PEBP4: variants seen among roughly 807,000 people sequenced by gnomAD.
The protein encoded by PEBP4 is phosphatidylethanolamine binding protein 4.
PEBP4 carries 22 observed loss-of-function variants against 23.9 expected under a neutral mutation model. The ratio of observed to expected loss-of-function variants is 0.92; its 90% CI spans 0.66 to 1.31. PEBP4 has a LOEUF of 1.31. PEBP4 is among the 40% of genes most tolerant of loss of function. The pLI is 0.00. For missense variants in PEBP4, 324 were observed against 281.7 expected, an observed-to-expected ratio of 1.15 and a Z score of -1.07; for synonymous variants, 112 against 99.3, an observed-to-expected ratio of 1.13 and a Z score of -0.76.
At chr8:22,908,872 G>A (rs944670944) in intron 3 of PEBP4, among the ~76,000 whole-genome samples, 3 of 152,190 alleles carry the variant, frequency 2.0e-5, no homozygotes, top group African/African-American at 7.2e-5. Context: ...ATCCCACCCA[G>A]GTAACTAGGG....
At chr8:22,906,481 C>A (rs76259155) in intron 3 of PEBP4, among the ~76,000 whole-genome samples, 6,476 of 152,290 alleles carry the variant, frequency 0.043, 159 homozygotes, top group Middle Eastern at 0.061. Flanking sequence ...AAATCTCCCT[C>A]TCCTCTTTCT....
intron 3 of PEBP4, among the ~76,000 whole-genome samples, chr8:22,821,984 CAA>C (rs113380878): frequency 3.8e-5 from 5 of 130,980 alleles, no homozygotes; most frequent in Admixed American, 7.8e-5. Context: ...GACCTCGTCT[CAA>C]AAAAAAAAAA....
intron 6 of PEBP4, among the ~76,000 whole-genome samples, chr8:22,722,892 C>A (rs1804546937): frequency 6.6e-6 from 1 of 151,850 alleles, no homozygotes; most frequent in Non-Finnish European, 1.5e-5. Context: ...CCTGCCTCAG[C>A]CTCCGGAGTA....
At chr8:22,890,230 A>G (rs935463187) in intron 3 of PEBP4, among the ~76,000 whole-genome samples, 1 of 152,244 alleles carries the variant, frequency 6.6e-6, no homozygotes, top group Non-Finnish European at 1.5e-5. Flanking sequence ...GAGAAACTGC[A>G]GTAATGAACA....
At position 22,810,095 on chromosome 8, in the gene PEBP4, G is replaced by A. The variant is rs532675135; in HGVS notation, c.357+7542C>T. 7.4e-4 allele frequency among the ~76,000 whole-genome samples: 113 copies of A among 152,298 alleles called. No homozygotes were observed. The Middle Eastern group carries it at 0.014, about 18-fold the overall frequency. On this transcript the variant is annotated intron_variant, in intron 4 of 6. Transcript: ENST00000256404. ...AACTTCCCCCACTGGTCCTGATTCCGCCTGGTGGAGTCCAGCAAGATCTCT... is the reference window on the plus strand; with the variant it reads ...AACTTCCCCCACTGGTCCTGATTCCACCTGGTGGAGTCCAGCAAGATCTCT...
At chr8:22,846,620 G>A (rs901822429) in intron 3 of PEBP4, among the ~76,000 whole-genome samples, 1 of 152,120 alleles carries the variant, frequency 6.6e-6, no homozygotes, top group African/African-American at 2.4e-5. Context: ...TGCACCCCAA[G>A]CCAAGTAAGA....
At chr8:22,798,733 T>C (rs1160122151) in intron 4 of PEBP4, 10 of 112,588 alleles carry the variant, frequency 8.9e-5, no homozygotes, top group African/African-American at 1.5e-4. Context: ...TTTTTCTTTT[T>C]TTTTTTTTTT....
Position 22,847,226 on chromosome 8 carries a change from G to A in PEBP4, c.259-29491C>T, listed in dbSNP as rs554622146. The stretch of plus-strand genomic sequence containing the variant: ...CATGTTCAAAGGTCAGGGGCCCTGG[G>A]GCAGCAGGGTCAGAGCCGAAAGTCA... On this transcript the variant is annotated intron_variant, in intron 3 of 6. Transcript: ENST00000256404. Among the ~76,000 whole-genome samples the A allele has an allele frequency of 7.9e-5, 12 of 152,268 alleles. No individual in the cohort carries two copies. The South Asian group carries it at 2.1e-3, about 26-fold the overall frequency.
At chr8:22,898,440 G>A (rs1394424772) in intron 3 of PEBP4, among the ~76,000 whole-genome samples, 3 of 125,150 alleles carry the variant, frequency 2.4e-5, no homozygotes, top group Non-Finnish European at 3.2e-5. Context: ...AACCCACCCA[G>A]TCTATGGTAT....
intron 3 of PEBP4, among the ~76,000 whole-genome samples, chr8:22,919,363 C>T (rs1188680505): frequency 6.6e-6 from 1 of 152,190 alleles, no homozygotes; most frequent in African/African-American, 2.4e-5. Flanking sequence ...TTGACAGCAG[C>T]ACCTCCTTCT....
At chr8:22,785,209 T>A (rs556557877) in intron 4 of PEBP4, among the ~76,000 whole-genome samples, 1 of 152,254 alleles carries the variant, frequency 6.6e-6, no homozygotes, top group East Asian at 1.9e-4. Context: ...AGGAGCAAGG[T>A]CAGCATGTGG....
At chr8:22,911,660 CA>C (rs1051079437) in intron 3 of PEBP4, among the ~76,000 whole-genome samples, 11 of 152,350 alleles carry the variant, frequency 7.2e-5, no homozygotes, top group African/African-American at 2.6e-4. Flanking sequence ...ATGGCTCCCA[CA>C]AAGGCCGGCA....
At chr8:22,723,635 T>C (rs903760122) in intron 6 of PEBP4, among the ~76,000 whole-genome samples, 38 of 152,228 alleles carry the variant, frequency 2.5e-4, no homozygotes, top group African/African-American at 7.5e-4. Flanking sequence ...CTGGGCAAGA[T>C]ACATAATTTT....
rs149089248 is a variant in PEBP4, at chr8:22,715,708, C to T, written c.518-2172G>A. Among the ~76,000 whole-genome samples the T allele has an allele frequency of 3.0e-4, 46 of 152,316 alleles. 1 individual carries two copies. The highest frequency in any genetic ancestry group is 6.8e-3 in the Middle Eastern group (2 of 294). ...CCCAAGTCGACAGCCCTGTGGTTCT[C>T]GGGCTCCCTGGCCAGCTCCTGAAAC... On this transcript the variant is annotated intron_variant, in intron 6 of 6. Coordinates refer to ENST00000256404, the MANE Select transcript of PEBP4 (RefSeq NM_144962.3).
chr8:22,832,017 G>C (rs1807092917), intron 3 of PEBP4, among the ~76,000 whole-genome samples: 1 of 152,068 alleles, frequency 6.6e-6, no homozygotes, highest in South Asian at 2.1e-4. Context: ...TGTAGAGAGA[G>C]AATTCCTGCA....
intron 3 of PEBP4, among the ~76,000 whole-genome samples, chr8:22,845,060 G>C (rs1807401618): frequency 6.6e-6 from 1 of 152,152 alleles, no homozygotes; most frequent in Admixed American, 6.5e-5. Context: ...AGTATAAAGG[G>C]GAATCAGTTG....
At chr8:22,798,693 G>C (rs555475494) in intron 4 of PEBP4, 14 of 146,348 alleles carry the variant, frequency 9.6e-5, no homozygotes, top group African/African-American at 3.3e-4. Context: ...TCATCACTCG[G>C]TCATGTCCAT....
Position 22,749,805 on chromosome 8 carries a change from C to CTTTTTATTTTTTTTTTTTT in PEBP4, c.358-22586_358-22585insAAAAAAAAAAAAATAAAAA, listed in dbSNP as rs1805209388. On this transcript the variant is annotated intron_variant, in intron 4 of 6. Transcript: ENST00000256404. ...CTCTCCTGATTCTCAGTTTGTCATT[C>CTTTTTATTTTTTTTTTTTT]TTTTTTTTTTTTTTTTTTGAGATGG... 4.8e-5 allele frequency among the ~76,000 whole-genome samples: 4 copies of CTTTTTATTTTTTTTTTTTT among 83,760 alleles called. 1 individual carries two copies. The highest frequency in any genetic ancestry group is 4.8e-5 in the Non-Finnish European group (2 of 41,252). 54.9% of individuals were successfully genotyped at this position (83,760 alleles called of 152,430 possible).
intron 4 of PEBP4, among the ~76,000 whole-genome samples, chr8:22,810,971 C>G (rs987640733): frequency 6.6e-6 from 1 of 151,966 alleles, no homozygotes; most frequent in African/African-American, 2.4e-5. Flanking sequence ...GTCAGCCTCT[C>G]TATACACGCT....
Sources: gnomAD v4.1 joint callset for allele counts (sites outside exome capture counted in the v4.1 genomes callset) on GRCh38, gnomAD v4.1.1 for gene constraint, MANE v1.5 for transcripts, NCBI Gene and HGNC (gene_info 2026-07-23, HGNC 2026-07-21) for gene names.